The following ANKS1B variants were observed in gnomAD, a reference collection of about 807,000 sequenced individuals.
The protein encoded by ANKS1B is ankyrin repeat and sterile alpha motif domain-containing protein 1B.
Under a neutral mutation model 148.3 loss-of-function variants are expected in ANKS1B, and 36 were observed. The observed-to-expected ratio is 0.24, with a 90% CI of 0.19 to 0.32. ANKS1B has a LOEUF of 0.32. ANKS1B is among the 10% of genes least tolerant of loss of function. The pLI is 1.00. For missense variants in ANKS1B, 1,157 were observed against 1,542.6 expected, an observed-to-expected ratio of 0.75 and a Z score of 4.19; for synonymous variants, 542 against 560.8, an observed-to-expected ratio of 0.97 and a Z score of 0.47.
At chr12:99,695,690 G>A (rs1169323778) in intron 8 of ANKS1B, among the ~76,000 whole-genome samples, 1 of 152,004 alleles carries the variant, frequency 6.6e-6, no homozygotes, top group African/African-American at 2.4e-5. Context: ...GAGAATACAC[G>A]GACACAGGGA....
intron 15 of ANKS1B, among the ~76,000 whole-genome samples, chr12:99,089,834 C>T (rs889796313): frequency 2.6e-5 from 4 of 152,178 alleles, no homozygotes; most frequent in African/African-American, 9.6e-5. Flanking sequence ...TTTTGACTTT[C>T]TTAGCATCCA....
At chr12:98,741,379 C>A (rs897149046), downstream of ANKS1B, among the ~76,000 whole-genome samples, 13 of 152,210 alleles carry the variant, frequency 8.5e-5, no homozygotes, top group Non-Finnish European at 1.9e-4. Context: ...GATGCATAGA[C>A]CACACCCAGC....
In ANKS1B at chr12:98,837,338, GA is replaced by G. The variant is rs528891920; in HGVS notation, c.2779-5203del. Reference sequence around the variant, plus strand: ...GGCGATGGAGCAAGACTCTGTCTCAGAAAAAAAAAAAAAAGAAAAAGAAAAG... The same window carrying G: ...GGCGATGGAGCAAGACTCTGTCTCAGAAAAAAAAAAAAAGAAAAAGAAAAG... On this transcript the variant is annotated intron_variant, in intron 17 of 26. Coordinates refer to ENST00000683438, the MANE Select transcript of ANKS1B (RefSeq NM_001352186.2). Among the ~76,000 whole-genome samples, 539 of 129,578 alleles carry G rather than the reference GA, an allele frequency of 4.2e-3. 1 individual carries two copies. Among genetic ancestry groups the G allele is most frequent in the African/African-American group, 0.013 (439 of 34,264 alleles). The allele number at this position is 129,578 out of a possible 152,430, so 85.0% of individuals were successfully genotyped here.
intron 17 of ANKS1B, among the ~76,000 whole-genome samples, chr12:98,850,613 A>G (rs2099518749): frequency 6.6e-6 from 1 of 151,764 alleles, no homozygotes; most frequent in African/African-American, 2.4e-5. Context: ...GACTACTGGC[A>G]CACGCCGCCA....
chr12:99,890,921 G>A (rs2093068925), intron 1 of ANKS1B, among the ~76,000 whole-genome samples: 1 of 152,006 alleles, frequency 6.6e-6, no homozygotes, highest in Non-Finnish European at 1.5e-5. Context: ...AAAGACAAAA[G>A]GGAAAGGGGA....
chr12:99,617,200 T>C (rs2153363829), intron 9 of ANKS1B, among the ~76,000 whole-genome samples: 1 of 152,268 alleles, frequency 6.6e-6, no homozygotes, highest in Admixed American at 6.5e-5. Flanking sequence ...GGTGGGAGTG[T>C]AAATTAGTTC....
At chr12:98,761,325 G>A (rs1490105249) in intron 25 of ANKS1B, among the ~76,000 whole-genome samples, 1 of 152,226 alleles carries the variant, frequency 6.6e-6, no homozygotes, top group African/African-American at 2.4e-5. Context: ...CCTCATGGGG[G>A]CCTAGGACAG....
At chr12:99,134,085 C>CTG (rs1435872316) in intron 15 of ANKS1B, among the ~76,000 whole-genome samples, 1 of 152,158 alleles carries the variant, frequency 6.6e-6, no homozygotes, top group Non-Finnish European at 1.5e-5. Flanking sequence ...ATATCTGGAA[C>CTG]TGTGGCTTGA....
intron 12 of ANKS1B, among the ~76,000 whole-genome samples, chr12:99,293,534 A>G (rs947507405): frequency 3.3e-5 from 5 of 152,184 alleles, no homozygotes; most frequent in Non-Finnish European, 7.4e-5. Context: ...ATCAAAATGG[A>G]TTAAAGACTT....
chr12:98,975,655 T>G (rs895191002), intron 17 of ANKS1B, among the ~76,000 whole-genome samples: 3 of 152,120 alleles, frequency 2.0e-5, no homozygotes, highest in African/African-American at 7.2e-5. Context: ...TTGGTTTTTT[T>G]TTGTTGTTTT....
At chr12:99,911,759 T>C (rs531173392) in intron 1 of ANKS1B, among the ~76,000 whole-genome samples, 114 of 152,322 alleles carry the variant, frequency 7.5e-4, no homozygotes, top group African/African-American at 2.6e-3. Context: ...GTTCCATCTA[T>C]ATACCCTCCC....
chr12:99,478,289 A>C (rs2096357688), intron 10 of ANKS1B, among the ~76,000 whole-genome samples: 2 of 152,100 alleles, frequency 1.3e-5, no homozygotes, highest in African/African-American at 4.8e-5. Flanking sequence ...AAAATATTTT[A>C]ATTGCAATAG....
Position 99,555,690 on chromosome 12 carries a change from G to A in ANKS1B, c.1273-51049C>T, listed in dbSNP as rs571305733. On this transcript the variant is annotated intron_variant, in intron 9 of 26. Coordinates refer to ENST00000683438, the MANE Select transcript of ANKS1B (RefSeq NM_001352186.2). ...CAAAAGCCTTTTCTACATCTATTGA[G>A]ATGATCATGTGGTTTTTGTTTTTAG... is the stretch of plus-strand genomic sequence containing the variant. Among the ~76,000 whole-genome samples, 3 of 152,312 alleles carry A rather than the reference G, an allele frequency of 2.0e-5. No homozygotes were observed. In the South Asian group the frequency reaches 6.2e-4, roughly 32 times the overall value.
chr12:98,752,908 G>A lies in ANKS1B; in HGVS notation c.3580-1386C>T, dbSNP rs150468911. ...CATCTGTGATTCAGTGAACATCTAC[G>A]AAACACAATCAAAATCTAATTTAGG... On this transcript the variant is annotated intron_variant, in intron 25 of 26. Coordinates refer to ENST00000683438, the MANE Select transcript of ANKS1B (RefSeq NM_001352186.2). Among the ~76,000 whole-genome samples the A allele has an allele frequency of 1.3e-3, 192 of 152,280 alleles. 3 individuals carry two copies. The highest frequency in any genetic ancestry group is 4.4e-3 in the African/African-American group (182 of 41,556).
At chr12:99,038,992 G>A (rs2099957233) in intron 17 of ANKS1B, among the ~76,000 whole-genome samples, 1 of 152,226 alleles carries the variant, frequency 6.6e-6, no homozygotes, top group South Asian at 2.1e-4. Flanking sequence ...TCCAGCTCTA[G>A]AATGTAAGTT....
intron 22 of ANKS1B, among the ~76,000 whole-genome samples, chr12:98,793,269 T>G (rs1414109271): frequency 6.6e-6 from 1 of 152,234 alleles, no homozygotes; most frequent in Non-Finnish European, 1.5e-5. Context: ...ATATACTTTT[T>G]GGCCATTTGT....
intron 12 of ANKS1B, among the ~76,000 whole-genome samples, chr12:99,268,281 T>C (rs547543449): frequency 1.3e-5 from 2 of 152,344 alleles, no homozygotes; most frequent in African/African-American, 4.8e-5. Flanking sequence ...AACTGTGTTT[T>C]TCTGAACACT....
At chr12:99,808,511 T>A (rs2153663775) in intron 3 of ANKS1B, among the ~76,000 whole-genome samples, 1 of 152,264 alleles carries the variant, frequency 6.6e-6, no homozygotes, top group Non-Finnish European at 1.5e-5. Context: ...CTGAGGGTAC[T>A]GTTTCTTCCA....
At chr12:99,313,473 A>G (rs1489219899) in intron 12 of ANKS1B, among the ~76,000 whole-genome samples, 1 of 152,258 alleles carries the variant, frequency 6.6e-6, no homozygotes, top group East Asian at 1.9e-4. Flanking sequence ...ACAACAAAAA[A>G]CTTCAGGCCA....
Sources: allele counts gnomAD v4.1 joint callset (sites outside exome capture counted in the v4.1 genomes callset), GRCh38; gene constraint gnomAD v4.1.1; transcripts MANE v1.5; gene names NCBI Gene and HGNC (gene_info 2026-07-23, HGNC 2026-07-21).